TMCO4: variants seen among roughly 807,000 people sequenced by gnomAD.
TMCO4 encodes the protein transmembrane and coiled-coil domains 4, also known as transmembrane and coiled-coil domain-containing protein 4.
In TMCO4, 58 loss-of-function variants were observed where a neutral mutation model predicts 64.7. That is an observed-to-expected ratio of 0.90 (90% CI 0.73 to 1.12). TMCO4 has a LOEUF of 1.12. Ranked by LOEUF, TMCO4 falls within the 50% of genes most tolerant of loss-of-function variation. The pLI, the probability that TMCO4 is intolerant of heterozygous loss-of-function variation, is 0.00. For synonymous variants in TMCO4, 325 were observed against 346.1 expected, an observed-to-expected ratio of 0.94 and a Z score of 0.68; for missense variants, 780 against 825.9, an observed-to-expected ratio of 0.94 and a Z score of 0.68.
intron 4 of TMCO4, among the ~76,000 whole-genome samples, chr1:19,772,305 C>A (rs555527072): frequency 6.6e-6 from 1 of 152,170 alleles, no homozygotes; most frequent in South Asian, 2.1e-4. Context: ...CTGCCAAGGA[C>A]GTGCTTTCTG....
rs200687060 is a variant in TMCO4, at chr1:19,740,789, T to C, written c.1030A>G (p.Thr344Ala). The C allele has an allele frequency of 1.2e-4, 197 of 1,612,116 alleles. 1 individual carries two copies. In the South Asian group the frequency reaches 1.9e-3, roughly 16 times the overall value. The change falls in exon 11 of 16, where the codon ACA becomes GCA. Residue 344 changes from threonine to alanine, a missense_variant. Transcript: ENST00000294543. ...TGGGGGCACTTACCAGACAACACTG[T>C]GTACTTTAGGGCCTCCTGGGCCACC... ...NMVAQEALKY[T>A]VLSGIVAALT...
chr1:19,725,675 G>A (rs1049998977), intron 13 of TMCO4, among the ~76,000 whole-genome samples: 3 of 152,204 alleles, frequency 2.0e-5, no homozygotes, highest in African/African-American at 4.8e-5. Context: ...GACTTGGACT[G>A]TTGCTAGAGG....
At chr1:19,696,247 C>A (rs1313992666) in intron 14 of TMCO4, among the ~76,000 whole-genome samples, 7 of 152,196 alleles carry the variant, frequency 4.6e-5, no homozygotes, top group Non-Finnish European at 1.0e-4. Flanking sequence ...GTCCAAGAAG[C>A]ACTGTCTAAG....
intron 7 of TMCO4, among the ~76,000 whole-genome samples, chr1:19,752,865 C>T (rs1014155988): frequency 3.3e-5 from 5 of 151,308 alleles, no homozygotes; most frequent in African/African-American, 1.2e-4. Context: ...AGTGAGATGG[C>T]ATCTTGTGCC....
chr1:19,744,172 G>A (rs566509582), intron 10 of TMCO4, among the ~76,000 whole-genome samples: 8 of 151,898 alleles, frequency 5.3e-5, no homozygotes, highest in Non-Finnish European at 1.2e-4. Flanking sequence ...TAGGATTCCC[G>A]CACCCACCCT....
At position 19,780,957 on chromosome 1, in the gene TMCO4, T is replaced by C. The variant is rs1031097977; in HGVS notation, c.-8-191A>G. On this transcript the variant is annotated intron_variant, in intron 3 of 15. Transcript: ENST00000294543. ...AGGATGGAGGGAGGGATCTTCAATA[T>C]GTCTATCCACAAAGGTCTATACACA... is the stretch of plus-strand genomic sequence containing the variant. 9.2e-5 allele frequency among the ~76,000 whole-genome samples: 14 copies of C among 152,282 alleles called. No individual in the cohort carries two copies. In the East Asian group the frequency reaches 2.1e-3, roughly 23 times the overall value.
chr1:19,693,240 T>G (rs951627654), intron 15 of TMCO4, among the ~76,000 whole-genome samples: 5 of 143,918 alleles, frequency 3.5e-5, no homozygotes, highest in African/African-American at 1.3e-4. Context: ...CCCAGCACTT[T>G]GGGAGGCTGA....
chr1:19,799,549 C>T (rs1384207406), intron 1 of TMCO4, among the ~76,000 whole-genome samples: 1 of 152,226 alleles, frequency 6.6e-6, no homozygotes. Context: ...GAGGCCGAGG[C>T]CGGAGTCGCC....
At chr1:19,726,286 C>T (rs1194171775) in intron 13 of TMCO4, among the ~76,000 whole-genome samples, 1 of 152,164 alleles carries the variant, frequency 6.6e-6, no homozygotes, top group Non-Finnish European at 1.5e-5. Flanking sequence ...GAACACAGTG[C>T]CATGACCCAG....
In TMCO4 at chr1:19,767,340, A is replaced by T. The variant is rs144486207; in HGVS notation, c.382+3202T>A. ...ACCAGCATTTAACGAGTGCTGAATA[A>T]GTGGTAGTCATTCTCAATGGAAATT... is the stretch of plus-strand genomic sequence containing the variant. On this transcript the variant is annotated intron_variant, in intron 6 of 15. Transcript: ENST00000294543. Among the ~76,000 whole-genome samples the T allele has an allele frequency of 2.9e-3, 444 of 152,328 alleles. 1 individual carries two copies. Among genetic ancestry groups the T allele is most frequent in the African/African-American group, 9.4e-3 (391 of 41,582 alleles).
At chr1:19,764,200 A>G (rs1274919960) in intron 6 of TMCO4, among the ~76,000 whole-genome samples, 2 of 152,134 alleles carry the variant, frequency 1.3e-5, no homozygotes, top group African/African-American at 2.4e-5. Context: ...ACTTATCTCC[A>G]TGTGGGAGGT....
Position 19,747,229 on chromosome 1 carries a change from TTTC to T in TMCO4, c.544_546del (p.Glu182del). The T allele has an allele frequency of 6.2e-7, 1 of 1,614,006 alleles. No individual in the cohort carries two copies. The highest frequency in any genetic ancestry group is 8.5e-7 in the Non-Finnish European group (1 of 1,179,954). On this transcript the variant is annotated inframe_deletion, in exon 8 of 16. Coordinates refer to ENST00000294543, the MANE Select transcript of TMCO4 (RefSeq NM_181719.7). ...AGATAACGCTTCCATTTCCTCCGGTTTTCTTTCTTCTTTCGGGATGCCTCGGCC... is the reference window on the plus strand; with the variant it reads ...AGATAACGCTTCCATTTCCTCCGGTTTTTCTTCTTTCGGGATGCCTCGGCC...
chr1:19,699,764 G>T (rs1570666228), intron 14 of TMCO4, among the ~76,000 whole-genome samples: 1 of 152,128 alleles, frequency 6.6e-6, no homozygotes, highest in African/African-American at 2.4e-5. Context: ...TGAAAAAAAT[G>T]GTGACATCAC....
chr1:19,704,476 T>A (rs944678656), intron 13 of TMCO4, among the ~76,000 whole-genome samples: 1 of 152,246 alleles, frequency 6.6e-6, no homozygotes, highest in African/African-American at 2.4e-5. Flanking sequence ...CACGCAGAGC[T>A]GCTGGTCCCT....
At chr1:19,702,575 C>T (rs1202539310) in intron 13 of TMCO4, among the ~76,000 whole-genome samples, 3 of 152,018 alleles carry the variant, frequency 2.0e-5, no homozygotes, top group Admixed American at 1.3e-4. Context: ...GCCTGGGCCA[C>T]AGATTGAGAT....
At chr1:19,745,417 C>A (rs1442157150) in intron 10 of TMCO4, 115 bp downstream of exon 10, 3 of 1,504,754 alleles carry the variant, frequency 2.0e-6, no homozygotes, top group Admixed American at 4.0e-5. Flanking sequence ...GTTTCTTCCT[C>A]TGCGAAATGG....
At chr1:19,698,796 A>G (rs2095252878) in intron 14 of TMCO4, among the ~76,000 whole-genome samples, 1 of 152,222 alleles carries the variant, frequency 6.6e-6, no homozygotes, top group Non-Finnish European at 1.5e-5. Context: ...CAAGTTATGT[A>G]CCTCAGGTTC....
intron 12 of TMCO4, among the ~76,000 whole-genome samples, chr1:19,737,993 T>G (rs1434501690): frequency 6.6e-6 from 1 of 152,242 alleles, no homozygotes; most frequent in Non-Finnish European, 1.5e-5. Flanking sequence ...GTAAGTCAGA[T>G]GGAAAGAGGA....
intron 13 of TMCO4, among the ~76,000 whole-genome samples, chr1:19,727,645 A>G (rs1279499273): frequency 1.3e-5 from 2 of 152,204 alleles, no homozygotes; most frequent in African/African-American, 4.8e-5. Flanking sequence ...GAAATATTGT[A>G]AGATAAAAAT....
Sources: gnomAD v4.1 joint callset for allele counts (sites outside exome capture counted in the v4.1 genomes callset) on GRCh38, gnomAD v4.1.1 for gene constraint, MANE v1.5 for transcripts, NCBI Gene and HGNC (gene_info 2026-07-23, HGNC 2026-07-21) for gene names.